Variants in MAST4 observed in about 807,000 individuals in gnomAD.
The protein encoded by MAST4 is microtubule associated serine/threonine kinase family member 4.
Under a neutral mutation model 162.7 loss-of-function variants are expected in MAST4, and 89 were observed. The ratio of observed to expected loss-of-function variants is 0.55; its 90% CI spans 0.46 to 0.65. The LOEUF (loss-of-function observed/expected upper bound fraction) is 0.65, where lower values mean the gene tolerates loss of function less well. MAST4 is among the 30% of genes least tolerant of loss of function. MAST4 has a pLI of 0.00. For missense variants in MAST4, 3,153 were observed against 3,374.0 expected, an observed-to-expected ratio of 0.93 and a Z score of 1.62; for synonymous variants, 1,479 against 1,361.1, an observed-to-expected ratio of 1.09 and a Z score of -1.91.
In MAST4 at chr5:67,166,507, C is replaced by T. The variant is rs780764489; in HGVS notation, c.7328C>T (p.Ala2443Val). ...KPNGMKRSPS[A>V]TGQSSFRSTA... ...AATGGCATGAAACGGTCCCCCTCAG[C>T]CACTGGGCAGAGTTCTTTCCGATCC... is the stretch of plus-strand genomic sequence containing the variant. Residue 2443 changes from alanine (A) to valine (V), a missense_variant, in exon 29 of 29, where the codon GCC (alanine) becomes GTC (valine). Physicochemically the swap from Ala to Val is moderately conservative, Grantham distance 64. Coordinates refer to ENST00000403625, the MANE Select transcript of MAST4 (RefSeq NM_001164664.2). 1 of 1,606,448 alleles carries T rather than the reference C, an allele frequency of 6.2e-7. No homozygotes were observed. The highest frequency in any genetic ancestry group is 1.7e-5 in the Admixed American group (1 of 59,124).
At chr5:66,999,875 C>G (rs865849302) in intron 4 of MAST4, among the ~76,000 whole-genome samples, 4 of 152,194 alleles carry the variant, frequency 2.6e-5, no homozygotes, top group Admixed American at 6.5e-5. Flanking sequence ...CCTATCCCTA[C>G]AAGTTAATTG....
intron 3 of MAST4, among the ~76,000 whole-genome samples, chr5:66,816,661 G>A (rs1756742147): frequency 6.6e-6 from 1 of 152,156 alleles, no homozygotes; most frequent in Non-Finnish European, 1.5e-5. Context: ...TACCCCGGCT[G>A]CCATCACACT....
chr5:66,602,778 T>G (rs1742639209), intron 1 of MAST4, among the ~76,000 whole-genome samples: 1 of 152,200 alleles, frequency 6.6e-6, no homozygotes, highest in East Asian at 1.9e-4. Flanking sequence ...TGCATTCTTC[T>G]CCTTCATTCC....
At chr5:66,818,501 C>T (rs1035890920) in intron 3 of MAST4, among the ~76,000 whole-genome samples, 5 of 151,894 alleles carry the variant, frequency 3.3e-5, no homozygotes, top group East Asian at 3.8e-4. Flanking sequence ...TTTCCACATC[C>T]TCTTGCTCAA....
At chr5:66,959,132 G>T in intron 4 of MAST4, 4 of 723,864 alleles carry the variant, frequency 5.5e-6, no homozygotes, top group Non-Finnish European at 1.0e-5. Flanking sequence ...CCTCCCCCTC[G>T]AGAGAGTGTT....
intron 2 of MAST4, among the ~76,000 whole-genome samples, chr5:66,761,844 T>C (rs1207680023): frequency 1.3e-5 from 2 of 152,220 alleles, no homozygotes; most frequent in Non-Finnish European, 2.9e-5. Context: ...GACTATTTGC[T>C]TTTTAAAGTA....
At chr5:67,099,268 T>C (rs1764763030) in intron 7 of MAST4, among the ~76,000 whole-genome samples, 1 of 152,140 alleles carries the variant, frequency 6.6e-6, no homozygotes, top group Non-Finnish European at 1.5e-5. Flanking sequence ...CTATACTTAC[T>C]GAATACAGCT....
intron 2 of MAST4, among the ~76,000 whole-genome samples, chr5:66,785,497 T>C (rs1755071846): frequency 6.6e-6 from 1 of 152,208 alleles, no homozygotes; most frequent in African/African-American, 2.4e-5. Context: ...TTTGTGTAGC[T>C]GTATCCTCTT....
intron 3 of MAST4, among the ~76,000 whole-genome samples, chr5:66,821,110 A>G (rs1756973422): frequency 6.6e-6 from 1 of 152,230 alleles, no homozygotes; most frequent in African/African-American, 2.4e-5. Context: ...GCTAAATGAA[A>G]TGTGTTTTAG....
At chr5:66,617,671 T>C (rs893371550) in intron 1 of MAST4, among the ~76,000 whole-genome samples, 3 of 152,086 alleles carry the variant, frequency 2.0e-5, no homozygotes, top group Non-Finnish European at 4.4e-5. Context: ...TAGCACCCAG[T>C]AGATAACCAT....
intron 1 of MAST4, among the ~76,000 whole-genome samples, chr5:66,712,189 G>A (rs909897480): frequency 6.6e-6 from 1 of 152,224 alleles, no homozygotes; most frequent in Non-Finnish European, 1.5e-5. Flanking sequence ...CATACACAAT[G>A]CACACTTATG....
chr5:67,082,412 CG>C (rs1762775560), intron 5 of MAST4, among the ~76,000 whole-genome samples: 1 of 152,074 alleles, frequency 6.6e-6, no homozygotes, highest in African/African-American at 2.4e-5. Flanking sequence ...GGATTGCAGG[CG>C]TGAGCCACCG....
intron 23 of MAST4, among the ~76,000 whole-genome samples, chr5:67,147,034 C>T (rs892944150): frequency 1.1e-4 from 16 of 152,056 alleles, no homozygotes; most frequent in African/African-American, 3.9e-4. Flanking sequence ...AGCCTGCTCA[C>T]TACCGGAAAG....
intron 3 of MAST4, among the ~76,000 whole-genome samples, chr5:66,833,593 T>C (rs1757759438): frequency 6.6e-6 from 1 of 152,208 alleles, no homozygotes; most frequent in African/African-American, 2.4e-5. Flanking sequence ...CTCCCAGTGT[T>C]TGGAACCTCC....
chr5:67,127,268 A>G (rs1391220170), intron 14 of MAST4, among the ~76,000 whole-genome samples: 1 of 152,168 alleles, frequency 6.6e-6, no homozygotes, highest in African/African-American at 2.4e-5. Context: ...TTCCAATGCT[A>G]TGCTGAATAG....
chr5:66,995,888 T>TACACACACACACACACACACACAAAC (rs1750574869), intron 4 of MAST4, among the ~76,000 whole-genome samples: 1 of 147,236 alleles, frequency 6.8e-6, no homozygotes, highest in African/African-American at 2.5e-5. Flanking sequence ...CACACTCACA[T>TACACACACACACACACACACACAAAC]ACACACACAC....
At chr5:66,850,364 T>C (rs1036310956) in intron 3 of MAST4, among the ~76,000 whole-genome samples, 2 of 152,244 alleles carry the variant, frequency 1.3e-5, no homozygotes, top group African/African-American at 4.8e-5. Flanking sequence ...TTGTTCATAG[T>C]TGTCAAACAT....
At chr5:66,879,581 G>A (rs1761554915) in intron 3 of MAST4, among the ~76,000 whole-genome samples, 2 of 152,158 alleles carry the variant, frequency 1.3e-5, no homozygotes, top group South Asian at 2.1e-4. Context: ...CATCACTCAC[G>A]GCTCACTGTA....
intron 1 of MAST4, among the ~76,000 whole-genome samples, chr5:66,649,200 A>C (rs10447105): frequency 0.3 from 45,839 of 151,986 alleles, 7,105 homozygotes; most frequent in African/African-American, 0.36. Flanking sequence ...GTACTTGTGT[A>C]TAAATCCTCT....
Sources: allele counts gnomAD v4.1 joint callset (sites outside exome capture counted in the v4.1 genomes callset), GRCh38; gene constraint gnomAD v4.1.1; transcripts MANE v1.5; gene names NCBI Gene and HGNC (gene_info 2026-07-23, HGNC 2026-07-21).